The following THRB variants were observed in gnomAD, a reference collection of about 807,000 sequenced individuals.
THRB encodes thyroid hormone receptor beta.
THRB carries 12 observed loss-of-function variants against 47.8 expected under a neutral mutation model. The ratio of observed to expected loss-of-function variants is 0.25; its 90% CI spans 0.16 to 0.41. The LOEUF is 0.41. Ranked by LOEUF, THRB falls within the 10% of genes least tolerant of loss-of-function variation. The pLI, the probability that THRB is intolerant of heterozygous loss-of-function variation, is 1.00. For missense variants in THRB, 348 were observed against 589.2 expected (o/e 0.59, Z 4.24); for synonymous variants, 218 against 212.2 (o/e 1.03, Z -0.24).
At chr3:24,268,863 C>T (rs1056431027) in intron 3 of THRB, among the ~76,000 whole-genome samples, 3 of 150,270 alleles carry the variant, frequency 2.0e-5, no homozygotes, top group African/African-American at 4.9e-5. Flanking sequence ...AAGCAATATA[C>T]ATTATTATAT....
intron 1 of THRB, among the ~76,000 whole-genome samples, chr3:24,473,975 G>T (rs538555950): frequency 6.6e-6 from 1 of 152,128 alleles, no homozygotes; most frequent in Non-Finnish European, 1.5e-5. Context: ...TGAAGGGCTA[G>T]GGGAGGGATA....
At chr3:24,183,906 C>CATTAATACATTCATTAATATTT (rs1475529758) in intron 5 of THRB, among the ~76,000 whole-genome samples, 1 of 152,066 alleles carries the variant, frequency 6.6e-6, no homozygotes, top group Non-Finnish European at 1.5e-5. Flanking sequence ...CATCATTATT[C>CATTAATACATTCATTAATATTT]ATTAATACAT....
chr3:24,221,028 G>A (rs2047106846), intron 4 of THRB, among the ~76,000 whole-genome samples: 1 of 152,214 alleles, frequency 6.6e-6, no homozygotes, highest in South Asian at 2.1e-4. Flanking sequence ...GCACTCTGCA[G>A]GCTTGGGGAA....
intron 1 of THRB, among the ~76,000 whole-genome samples, chr3:24,403,530 G>A (rs2067589671): frequency 4.3e-5 from 1 of 23,280 alleles, no homozygotes; most frequent in Admixed American, 5.1e-4. Context: ...CTTTTTCACT[G>A]TGTTGACATT....
intron 2 of THRB, among the ~76,000 whole-genome samples, chr3:24,311,559 C>T (rs1421921176): frequency 6.6e-6 from 1 of 152,246 alleles, no homozygotes; most frequent in South Asian, 2.1e-4. Context: ...TTTCCCTAAG[C>T]CCCTTTTTTA....
intron 1 of THRB, among the ~76,000 whole-genome samples, chr3:24,381,547 T>C (rs1251218373): frequency 6.6e-6 from 1 of 152,212 alleles, no homozygotes; most frequent in Non-Finnish European, 1.5e-5. Flanking sequence ...TAGAACTTAC[T>C]GTCTTTATCA....
chr3:24,491,987 C>T (rs542436627), intron 1 of THRB, among the ~76,000 whole-genome samples: 43 of 152,054 alleles, frequency 2.8e-4, no homozygotes, highest in South Asian at 1.2e-3. Flanking sequence ...GCTTTTATTT[C>T]GAAAAGAAAG....
intron 3 of THRB, among the ~76,000 whole-genome samples, chr3:24,233,591 G>GAAAGAAAGAAAT: frequency 2.9e-5 from 2 of 69,410 alleles, no homozygotes; most frequent in Middle Eastern, 0.01. Flanking sequence ...AAGAAAGAAA[G>GAAAGAAAGAAAT]AAAGAAAGAA....
intron 6 of THRB, among the ~76,000 whole-genome samples, chr3:24,150,177 G>T (rs545345681): frequency 6.6e-6 from 1 of 152,270 alleles, no homozygotes; most frequent in East Asian, 1.9e-4. Flanking sequence ...ATCTCCAAAA[G>T]ATTTCACTCT....
intron 2 of THRB, among the ~76,000 whole-genome samples, chr3:24,313,938 C>A (rs1421570660): frequency 6.6e-6 from 1 of 152,128 alleles, no homozygotes; most frequent in East Asian, 1.9e-4. Flanking sequence ...CTATAATATT[C>A]TTAACAGTAA....
intron 1 of THRB, among the ~76,000 whole-genome samples, chr3:24,486,767 T>C (rs927828019): frequency 2.0e-5 from 3 of 152,206 alleles, no homozygotes; most frequent in African/African-American, 4.8e-5. Flanking sequence ...TTAACTTGTT[T>C]CAAAAAATAT....
chr3:24,397,547 A>G (rs2067055970), intron 1 of THRB, among the ~76,000 whole-genome samples: 2 of 151,898 alleles, frequency 1.3e-5, no homozygotes, highest in Admixed American at 6.6e-5. Flanking sequence ...GCATTAACAT[A>G]GACAATCAAG....
Position 24,222,948 on chromosome 3 carries a change from T to C in THRB, c.22+5990A>G, listed in dbSNP as rs145634812. 3.7e-3 allele frequency among the ~76,000 whole-genome samples: 565 copies of C among 152,312 alleles called. 2 individuals are homozygous for C. The highest frequency in any genetic ancestry group is 0.024 in the Middle Eastern group (7 of 294). ...GACAGGAATTCAGGAGAAATTGCAA[T>C]AAACCTCCAGATTTCCCTTCAGAAT... is the stretch of plus-strand genomic sequence containing the variant. On this transcript the variant is annotated intron_variant, in intron 4 of 10. Transcript: ENST00000646209.
In THRB at chr3:24,321,648, G is replaced by A. The variant is rs185667449; in HGVS notation, c.-189+15652C>T. Reference sequence around the variant, plus strand: ...GCTAATATAATTTTTTTTTTTCTGGGAGGAAGGTCCACAGTTTTCATAAGG... The same window carrying A: ...GCTAATATAATTTTTTTTTTTCTGGAAGGAAGGTCCACAGTTTTCATAAGG... On this transcript the variant is annotated intron_variant, in intron 2 of 10. Transcript: ENST00000646209. Among the ~76,000 whole-genome samples the A allele has an allele frequency of 7.9e-3, 1,202 of 151,682 alleles. 3 individuals are homozygous for A. The highest frequency in any genetic ancestry group is 0.012 in the Non-Finnish European group (836 of 67,928).
chr3:24,150,345 C>T (rs1316145189), intron 6 of THRB, among the ~76,000 whole-genome samples: 1 of 152,106 alleles, frequency 6.6e-6, no homozygotes, highest in East Asian at 1.9e-4. Flanking sequence ...TTGAAAAACT[C>T]GTTTGTCTTT....
intron 3 of THRB, among the ~76,000 whole-genome samples, chr3:24,277,207 T>C (rs1369914442): frequency 6.6e-6 from 1 of 152,166 alleles, no homozygotes; most frequent in East Asian, 1.9e-4. Context: ...ACCCCAGGGT[T>C]CATCTGGCAA....
intron 2 of THRB, among the ~76,000 whole-genome samples, chr3:24,319,798 C>G (rs998038731): frequency 3.3e-5 from 5 of 152,202 alleles, no homozygotes; most frequent in Non-Finnish European, 7.3e-5. Flanking sequence ...ATATAAAATT[C>G]AGAGAATGGG....
At chr3:24,411,414 ATCATAATGTCACTGTTCTTACTATGG>A (rs2068282543) in intron 1 of THRB, among the ~76,000 whole-genome samples, 1 of 151,750 alleles carries the variant, frequency 6.6e-6, no homozygotes, top group East Asian at 2.0e-4. Context: ...ACTTTGAGCA[ATCATAATGTCACTGTTCTTACTATGG>A]TCATATTTAA....
At chr3:24,158,041 A>G (rs554039559) in intron 5 of THRB, among the ~76,000 whole-genome samples, 1 of 152,362 alleles carries the variant, frequency 6.6e-6, no homozygotes, top group South Asian at 2.1e-4. Context: ...TGGAATGTTA[A>G]TCAAAAGGGC....
Sources: allele counts gnomAD v4.1 joint callset (sites outside exome capture counted in the v4.1 genomes callset), GRCh38; gene constraint gnomAD v4.1.1; transcripts MANE v1.5; gene names NCBI Gene and HGNC (gene_info 2026-07-23, HGNC 2026-07-21).